Variants in CFAP299 observed in about 807,000 individuals in gnomAD.
The protein encoded by CFAP299 is cilia- and flagella-associated protein 299.
In CFAP299, 21 loss-of-function variants were observed where a neutral mutation model predicts 27.0. That is an observed-to-expected ratio of 0.78 (90% CI 0.55 to 1.12). The LOEUF is 1.12. Ranked by LOEUF, CFAP299 falls within the 50% of genes most tolerant of loss-of-function variation. The pLI, the probability that CFAP299 is intolerant of heterozygous loss-of-function variation, is 0.00. For synonymous variants in CFAP299, 104 were observed against 98.1 expected (o/e 1.06, Z -0.36); for missense variants, 310 against 276.6 (o/e 1.12, Z -0.86).
At chr4:80,537,373 A>C (rs576737893) in intron 2 of CFAP299, among the ~76,000 whole-genome samples, 6 of 152,244 alleles carry the variant, frequency 3.9e-5, no homozygotes, top group African/African-American at 1.4e-4. Context: ...ATGTCAAAGA[A>C]ATGTCTCCAT....
At chr4:80,322,003 A>T in the CFAP299 span, among the ~76,000 whole-genome samples, 3 of 152,276 alleles carry the variant, frequency 2.0e-5, no homozygotes, top group South Asian at 6.2e-4. Context: ...CCTGGGCCTG[A>T]TACCCAAGGA....
intron 3 of CFAP299, among the ~76,000 whole-genome samples, chr4:80,773,098 C>T (rs113510367): frequency 0.076 from 11,592 of 152,166 alleles, 510 homozygotes; most frequent in African/African-American, 0.1. Context: ...TCTCAGCAAA[C>T]TAACACAGGA....
chr4:80,513,941 G>A (rs1732447628), intron 2 of CFAP299, among the ~76,000 whole-genome samples: 1 of 151,956 alleles, frequency 6.6e-6, no homozygotes, highest in South Asian at 2.1e-4. Context: ...ATATGAAGGA[G>A]GAAAACAGAC....
chr4:80,371,474 A>T (rs1724149996), intron 2 of CFAP299, among the ~76,000 whole-genome samples: 1 of 152,158 alleles, frequency 6.6e-6, no homozygotes, highest in Non-Finnish European at 1.5e-5. Flanking sequence ...AAATTTTCCA[A>T]ACTTTTATAC....
At chr4:80,350,568 C>A (rs376953026) in intron 1 of CFAP299, among the ~76,000 whole-genome samples, 8 of 152,136 alleles carry the variant, frequency 5.3e-5, no homozygotes, top group Admixed American at 1.3e-4. Context: ...ATAAAGAAAA[C>A]GTAGCACATA....
chr4:80,687,929 G>C (rs998219012), intron 3 of CFAP299, among the ~76,000 whole-genome samples: 6 of 152,196 alleles, frequency 3.9e-5, no homozygotes, highest in African/African-American at 1.4e-4. Flanking sequence ...AGGGGTGACA[G>C]ACGGCACCTG....
At chr4:80,567,827 G>A (rs1735387307) in intron 2 of CFAP299, among the ~76,000 whole-genome samples, 1 of 151,212 alleles carries the variant, frequency 6.6e-6, no homozygotes, top group Non-Finnish European at 1.5e-5. Context: ...TAATTAGAAT[G>A]ATGCTTGAAA....
At chr4:80,397,889 G>T (rs1374910999) in intron 2 of CFAP299, among the ~76,000 whole-genome samples, 1 of 152,156 alleles carries the variant, frequency 6.6e-6, no homozygotes, top group Non-Finnish European at 1.5e-5. Context: ...AAAAGAAAAA[G>T]TCAAATTGTC....
rs188863135 is a variant in CFAP299, at chr4:80,910,706, T to C, written c.477-34104T>C. Reference sequence around the variant, plus strand: ...GGGTGGAAGCAGAAAAAAATGACTATTTAGTACTAAGCTTAGTACCTGTAT... The same window carrying C: ...GGGTGGAAGCAGAAAAAAATGACTACTTAGTACTAAGCTTAGTACCTGTAT... On this transcript the variant is annotated intron_variant, in intron 4 of 5. Coordinates refer to ENST00000358105, the MANE Select transcript of CFAP299 (RefSeq NM_152770.3). Among the ~76,000 whole-genome samples the C allele has an allele frequency of 5.0e-3, 759 of 152,142 alleles. 9 individuals carry two copies. Among genetic ancestry groups the C allele is most frequent in the South Asian group, 0.019 (91 of 4,816 alleles).
chr4:80,870,411 T>G, intron 4 of CFAP299: 1 of 1,075,342 alleles, frequency 9.3e-7, no homozygotes, highest in Non-Finnish European at 1.1e-6. Flanking sequence ...TTTGTTAACC[T>G]CATGAGGCTT....
intron 2 of CFAP299, among the ~76,000 whole-genome samples, chr4:80,521,447 AT>A (rs1245742818): frequency 6.6e-6 from 1 of 152,162 alleles, no homozygotes; most frequent in African/African-American, 2.4e-5. Flanking sequence ...GTAAACGATT[AT>A]TTTGTTTTAA....
chr4:80,801,631 G>C (rs1320930368), intron 3 of CFAP299, among the ~76,000 whole-genome samples: 1 of 151,936 alleles, frequency 6.6e-6, no homozygotes, highest in Non-Finnish European at 1.5e-5. Context: ...AAGAAATCAC[G>C]ACAGGTGAGT....
At chr4:80,408,787 T>C (rs940053041) in intron 2 of CFAP299, among the ~76,000 whole-genome samples, 2 of 151,312 alleles carry the variant, frequency 1.3e-5, no homozygotes, top group Non-Finnish European at 2.9e-5. Flanking sequence ...AGAAAATTAC[T>C]TACTTTTTTA....
intron 2 of CFAP299, among the ~76,000 whole-genome samples, chr4:80,363,494 A>G (rs1179143632): frequency 6.6e-6 from 1 of 152,220 alleles, no homozygotes; most frequent in Non-Finnish European, 1.5e-5. Context: ...TTAAAAGTGG[A>G]TCATTAAAGT....
intron 4 of CFAP299, among the ~76,000 whole-genome samples, chr4:80,932,984 C>A (rs545261530): frequency 6.6e-5 from 10 of 152,042 alleles, no homozygotes; most frequent in African/African-American, 9.7e-5. Context: ...AATATAACAT[C>A]TTCTATATTC....
chr4:80,629,876 A>C (rs1307170182), intron 3 of CFAP299, among the ~76,000 whole-genome samples: 2 of 80,194 alleles, frequency 2.5e-5, no homozygotes, highest in South Asian at 3.4e-4. Context: ...ATCTGGAAAA[A>C]AAAAAAAACA....
chr4:80,474,848 A>G (rs1279038597), intron 2 of CFAP299, among the ~76,000 whole-genome samples: 1 of 152,222 alleles, frequency 6.6e-6, no homozygotes, highest in Non-Finnish European at 1.5e-5. Context: ...CTAGTGAGGA[A>G]GAGAGATCAT....
At chr4:80,860,562 A>G (rs1012103167) in intron 3 of CFAP299, among the ~76,000 whole-genome samples, 1 of 151,992 alleles carries the variant, frequency 6.6e-6, no homozygotes, top group African/African-American at 2.4e-5. Flanking sequence ...GTCTTTGATG[A>G]TGGTGATGTA....
chr4:80,901,460 T>C (rs4575983), intron 4 of CFAP299, among the ~76,000 whole-genome samples: 17,396 of 152,094 alleles, frequency 0.11, 2,173 homozygotes, highest in African/African-American at 0.31. Context: ...TGAGCATAAG[T>C]TATTTTCTCT....
Sources: gnomAD v4.1 joint callset for allele counts (sites outside exome capture counted in the v4.1 genomes callset) on GRCh38, gnomAD v4.1.1 for gene constraint, MANE v1.5 for transcripts, NCBI Gene and HGNC (gene_info 2026-07-23, HGNC 2026-07-21) for gene names.